NKAIN3: variants seen among roughly 807,000 people sequenced by gnomAD.
The protein encoded by NKAIN3 is sodium/potassium-transporting ATPase subunit beta-1-interacting protein 3.
Under a neutral mutation model 30.2 loss-of-function variants are expected in NKAIN3, and 25 were observed. That is an observed-to-expected ratio of 0.83 (90% CI 0.60 to 1.16). The LOEUF is 1.16. NKAIN3 is among the 50% of genes most tolerant of loss of function. The pLI, the probability that NKAIN3 is intolerant of heterozygous loss-of-function variation, is 0.00. For synonymous variants in NKAIN3, 91 were observed against 89.6 expected (o/e 1.02, Z -0.09); for missense variants, 225 against 254.1 (o/e 0.89, Z 0.78).
At chr8:62,419,425 A>G (rs939595945) in intron 1 of NKAIN3, among the ~76,000 whole-genome samples, 3 of 152,194 alleles carry the variant, frequency 2.0e-5, no homozygotes, top group African/African-American at 7.2e-5. Flanking sequence ...GAACTCTGGA[A>G]GAAGGGATTA....
intron 1 of NKAIN3, among the ~76,000 whole-genome samples, chr8:62,352,609 T>G (rs1816218246): frequency 6.6e-6 from 1 of 152,144 alleles, no homozygotes; most frequent in Non-Finnish European, 1.5e-5. Context: ...CCCGCAACAT[T>G]AAAGATAACT....
At chr8:62,276,416 G>A (rs1476494781) in intron 1 of NKAIN3, among the ~76,000 whole-genome samples, 2 of 152,126 alleles carry the variant, frequency 1.3e-5, no homozygotes, top group Non-Finnish European at 2.9e-5. Flanking sequence ...TCAGAGTAGT[G>A]ACAAGGCACT....
intron 4 of NKAIN3, among the ~76,000 whole-genome samples, chr8:62,783,276 T>C (rs1817414641): frequency 6.6e-6 from 1 of 152,060 alleles, no homozygotes; most frequent in Admixed American, 6.6e-5. Context: ...AATGCCCTTA[T>C]AAAAGAGCCC....
At chr8:62,742,276 T>C (rs1815929651) in intron 3 of NKAIN3, among the ~76,000 whole-genome samples, 1 of 152,196 alleles carries the variant, frequency 6.6e-6, no homozygotes, top group South Asian at 2.1e-4. Context: ...TTATGACAGA[T>C]AAAAACTAGT....
At position 62,970,913 on chromosome 8, in the gene NKAIN3, A is replaced by G. The variant is rs7834288; in HGVS notation, c.*5506A>G. Among the ~76,000 whole-genome samples the G allele has an allele frequency of 0.33, 50,459 of 152,168 alleles. 9,377 individuals are homozygous for G. The highest frequency in any genetic ancestry group is 0.49 in the African/African-American group (20,489 of 41,506). On this transcript the variant is annotated 3_prime_UTR_variant, in exon 7 of 7. Coordinates refer to ENST00000623646, the MANE Select transcript of NKAIN3 (RefSeq NM_001304533.3). ...TTTGCTTTGGCAGACAACTTAGTCTATATTAGTTAGGATTAGGTTTACCTA... is the reference window on the plus strand; with the variant it reads ...TTTGCTTTGGCAGACAACTTAGTCTGTATTAGTTAGGATTAGGTTTACCTA...
chr8:62,352,690 C>G (rs1164864128), intron 1 of NKAIN3, among the ~76,000 whole-genome samples: 1 of 152,156 alleles, frequency 6.6e-6, no homozygotes, highest in Non-Finnish European at 1.5e-5. Context: ...TACTTTATCT[C>G]ACATTGTTTG....
chr8:62,602,654 T>A (rs981940480), intron 3 of NKAIN3, among the ~76,000 whole-genome samples: 8 of 152,074 alleles, frequency 5.3e-5, no homozygotes, highest in African/African-American at 1.9e-4. Context: ...TGATCCCAAC[T>A]CTACTCTGGG....
chr8:62,253,385 G>A (rs1483178013), intron 1 of NKAIN3, among the ~76,000 whole-genome samples: 1 of 152,086 alleles, frequency 6.6e-6, no homozygotes, highest in African/African-American at 2.4e-5. Context: ...AGATCAGTCT[G>A]GGCAACATAG....
At chr8:62,252,555 C>T (rs13262465) in intron 1 of NKAIN3, among the ~76,000 whole-genome samples, 88,339 of 151,984 alleles carry the variant, frequency 0.58, 26,059 homozygotes, top group Non-Finnish European at 0.64. Context: ...AGTTTTTCTC[C>T]AGGCTTCTGC....
At chr8:62,701,608 A>G (rs11993139) in intron 3 of NKAIN3, among the ~76,000 whole-genome samples, 8,545 of 152,204 alleles carry the variant, frequency 0.056, 469 homozygotes, top group African/African-American at 0.14. Context: ...GGTCGCTAGA[A>G]TGCTATGCAA....
chr8:62,805,811 T>C (rs1460963579), intron 4 of NKAIN3, among the ~76,000 whole-genome samples: 2 of 152,180 alleles, frequency 1.3e-5, no homozygotes, highest in Non-Finnish European at 2.9e-5. Context: ...TGGGATCTAA[T>C]TAAACTAAAG....
At chr8:62,687,707 A>C (rs1813842390) in intron 3 of NKAIN3, among the ~76,000 whole-genome samples, 1 of 152,292 alleles carries the variant, frequency 6.6e-6, no homozygotes, top group Admixed American at 6.5e-5. Flanking sequence ...TCATTCATCT[A>C]ATTCTAATTC....
Position 62,320,308 on chromosome 8 carries a change from G to T in NKAIN3, c.54+71181G>T, listed in dbSNP as rs1814829638. Among the ~76,000 whole-genome samples, 4 of 152,132 alleles carry T rather than the reference G, an allele frequency of 2.6e-5. No individual in the cohort carries two copies. In the South Asian group the frequency reaches 6.2e-4, roughly 24 times the overall value. On this transcript the variant is annotated intron_variant, in intron 1 of 6. Transcript: ENST00000623646. Reference sequence around the variant, plus strand: ...TCCAATTTGCCAGTCTGTGTCATCTGATTGGAGCATTTAGCCCATTTACAT... The same window carrying T: ...TCCAATTTGCCAGTCTGTGTCATCTTATTGGAGCATTTAGCCCATTTACAT...
chr8:62,471,426 A>T (rs1806339292), intron 1 of NKAIN3, among the ~76,000 whole-genome samples: 1 of 152,114 alleles, frequency 6.6e-6, no homozygotes, highest in Non-Finnish European at 1.5e-5. Flanking sequence ...ATGTTTTGTA[A>T]GTTCTGTGAA....
At chr8:62,638,962 G>A (rs1173069536) in intron 3 of NKAIN3, among the ~76,000 whole-genome samples, 1 of 152,042 alleles carries the variant, frequency 6.6e-6, no homozygotes, top group Non-Finnish European at 1.5e-5. Context: ...TTTACACCTA[G>A]GCTTTTCTAG....
intron 1 of NKAIN3, among the ~76,000 whole-genome samples, chr8:62,399,662 A>G (rs186762360): frequency 1.1e-3 from 174 of 152,334 alleles, no homozygotes; most frequent in African/African-American, 4.1e-3. Flanking sequence ...CTTTTGGTAC[A>G]ATTCCTGATG....
chr8:62,928,486 T>G (rs1822516397), intron 5 of NKAIN3, among the ~76,000 whole-genome samples: 1 of 152,184 alleles, frequency 6.6e-6, no homozygotes, highest in South Asian at 2.1e-4. Flanking sequence ...CCTTCAGCGA[T>G]ATCATGACAG....
chr8:62,827,692 T>A (rs376714708), intron 4 of NKAIN3, among the ~76,000 whole-genome samples: 29 of 152,164 alleles, frequency 1.9e-4, no homozygotes, highest in Admixed American at 1.6e-3. Context: ...ATATATATTG[T>A]GTAAATTTTA....
chr8:62,419,140 C>T (rs2167499), intron 1 of NKAIN3, among the ~76,000 whole-genome samples: 147,547 of 152,210 alleles, frequency 0.97, 71,564 homozygotes, highest in East Asian at 1. Flanking sequence ...TCAGTGCATG[C>T]ACTGCATTCT....
Sources: allele counts gnomAD v4.1 joint callset (sites outside exome capture counted in the v4.1 genomes callset), GRCh38; gene constraint gnomAD v4.1.1; transcripts MANE v1.5; gene names NCBI Gene and HGNC (gene_info 2026-07-23, HGNC 2026-07-21).